The following DNER variants were observed in gnomAD, a reference collection of about 807,000 sequenced individuals.
DNER encodes delta and Notch-like epidermal growth factor-related receptor.
DNER carries 33 observed loss-of-function variants against 78.2 expected under a neutral mutation model. The observed-to-expected ratio is 0.42, with a 90% CI of 0.32 to 0.56. The LOEUF (loss-of-function observed/expected upper bound fraction) is 0.56, where lower values mean the gene tolerates loss of function less well. DNER is among the 20% of genes least tolerant of loss of function. The pLI is 0.11. For synonymous variants in DNER, 417 were observed against 384.8 expected (o/e 1.08, Z -0.98); for missense variants, 918 against 975.3 (o/e 0.94, Z 0.78).
At chr2:229,667,180 T>C (rs903811797) in intron 1 of DNER, among the ~76,000 whole-genome samples, 6 of 152,200 alleles carry the variant, frequency 3.9e-5, no homozygotes, top group African/African-American at 1.4e-4. Flanking sequence ...GCCTGGATAA[T>C]GGCTCCTGTC....
In DNER at chr2:229,447,458, G is replaced by A. The variant is rs140730283; in HGVS notation, c.1344C>T (p.Asp448=). Residue 448 remains aspartate, a synonymous_variant, in exon 8 of 13, where the codon GAC becomes GAT. Transcript: ENST00000341772. ...TGCAGTTGCAGGTAAAGTGTACCCC[G>A]TCCACATAGCAGGTGCCGTTGTTCT... is the stretch of plus-strand genomic sequence containing the variant. ...PCQNNGTCYV[D]GVHFTCNCSP... is the part of the protein sequence containing the mutation. The A allele has an allele frequency of 2.0e-5, 33 of 1,614,158 alleles. No homozygotes were observed. In the African/African-American group the frequency reaches 3.3e-4, roughly 16 times the overall value.
At chr2:229,646,127 C>T (rs1023025913) in intron 1 of DNER, among the ~76,000 whole-genome samples, 1 of 152,166 alleles carries the variant, frequency 6.6e-6, no homozygotes, top group South Asian at 2.1e-4. Context: ...TCCATGCCTT[C>T]TATGAAAGCT....
chr2:229,504,997 T>A (rs996629226), intron 6 of DNER, among the ~76,000 whole-genome samples: 3 of 152,194 alleles, frequency 2.0e-5, no homozygotes, highest in African/African-American at 7.2e-5. Flanking sequence ...CCTCCAGCCG[T>A]CCCTTTGCCT....
rs112849075 is a variant in DNER, at chr2:229,631,284, C to T, written c.277-39396G>A. 6.6e-3 allele frequency among the ~76,000 whole-genome samples: 1,005 copies of T among 151,936 alleles called. 7 individuals carry two copies. The highest frequency in any genetic ancestry group is 0.011 in the Non-Finnish European group (726 of 67,974). ...CCTGGAAAAGACCAGCTAACTTACGCATGGGGCTTGCCCCAGGTGCAATGT... is the reference window on the plus strand; with the variant it reads ...CCTGGAAAAGACCAGCTAACTTACGTATGGGGCTTGCCCCAGGTGCAATGT... On this transcript the variant is annotated intron_variant, in intron 1 of 12. Transcript: ENST00000341772.
intron 8 of DNER, among the ~76,000 whole-genome samples, chr2:229,419,400 G>A (rs6710468): frequency 0.067 from 10,155 of 152,182 alleles, 439 homozygotes; most frequent in South Asian, 0.14. Context: ...GACTGTGTTC[G>A]TTCTGAATTC....
intron 7 of DNER, among the ~76,000 whole-genome samples, chr2:229,475,269 G>A (rs1254890443): frequency 6.6e-6 from 1 of 152,040 alleles, no homozygotes; most frequent in African/African-American, 2.4e-5. Context: ...CTCCCCCTCC[G>A]ACTCCCTCCC....
At chr2:229,411,457 C>T (rs544959037) in intron 9 of DNER, among the ~76,000 whole-genome samples, 5 of 151,810 alleles carry the variant, frequency 3.3e-5, no homozygotes, top group Admixed American at 1.3e-4. Context: ...CTCAGGAGGC[C>T]GAGACAGGAG....
chr2:229,530,844 C>T (rs150899578), intron 5 of DNER, among the ~76,000 whole-genome samples: 1 of 152,196 alleles, frequency 6.6e-6, no homozygotes, highest in Non-Finnish European at 1.5e-5. Flanking sequence ...TGGAATGATT[C>T]CCCTGTTACC....
rs753339397 is a variant in DNER at position 229,407,308 on chromosome 2, G to C, written c.1647C>G (p.Asn549Lys). Reference protein sequence around the residue: ...HCELYKDPCANVSCLNGATCD... With the variant: ...HCELYKDPCAKVSCLNGATCD... ...AGGTGGCTCCGTTCAGACAGCTGAC[G>C]TTAGCGCAGGGATCCTTGTACAATT... is the stretch of plus-strand genomic sequence containing the variant. The change falls in exon 10 of 13, where the codon AAC becomes AAG. Residue 549 changes from asparagine (N) to lysine (K), a missense_variant. Coordinates refer to ENST00000341772, the MANE Select transcript of DNER (RefSeq NM_139072.4). 9.3e-6 allele frequency: 15 copies of C among 1,613,866 alleles called. No individual in the cohort carries two copies. The highest frequency in any genetic ancestry group is 1.2e-5 in the Non-Finnish European group (14 of 1,179,878).
At chr2:229,402,009 C>A (rs1345644283) in intron 10 of DNER, among the ~76,000 whole-genome samples, 2 of 152,038 alleles carry the variant, frequency 1.3e-5, no homozygotes, top group African/African-American at 4.8e-5. Context: ...AAAATTAACT[C>A]AAAACAGACT....
At chr2:229,361,885 G>A (rs1692225314) in intron 12 of DNER, among the ~76,000 whole-genome samples, 1 of 136,672 alleles carries the variant, frequency 7.3e-6, no homozygotes, top group African/African-American at 2.7e-5. Flanking sequence ...ACATTAATAA[G>A]AAAATGTTTC....
chr2:229,514,111 C>T (rs974597308), intron 5 of DNER, among the ~76,000 whole-genome samples: 2 of 152,126 alleles, frequency 1.3e-5, no homozygotes, highest in Admixed American at 6.5e-5. Context: ...GATAAATTTA[C>T]TCCTGAATAT....
rs1469069069 is a variant in DNER, at chr2:229,547,098, A to T, written c.848-6T>A. 6.2e-7 allele frequency: 1 copy of T among 1,613,808 alleles called. No individual in the cohort carries two copies. The highest frequency in any genetic ancestry group is 1.3e-5 in the African/African-American group (1 of 74,928). ...CACAGAATCATTCACAAAACCTAAA[A>T]GAAAATGAGGCAAAAGGAAATTGTC... On this transcript the variant is annotated splice_polypyrimidine_tract_variant and splice_region_variant and intron_variant, in intron 4 of 12. Transcript: ENST00000341772.
At chr2:229,556,017 T>C (rs1016206688) in intron 4 of DNER, among the ~76,000 whole-genome samples, 3 of 152,268 alleles carry the variant, frequency 2.0e-5, no homozygotes, top group Non-Finnish European at 4.4e-5. Context: ...GTCTACTTAC[T>C]AAGCATTTAG....
At chr2:229,380,228 T>C (rs922996313) in intron 11 of DNER, among the ~76,000 whole-genome samples, 1 of 151,946 alleles carries the variant, frequency 6.6e-6, no homozygotes, top group African/African-American at 2.4e-5. Context: ...ACACTGAGAA[T>C]GAGATGACCC....
chr2:229,358,684 A>G, intron 12 of DNER, 33 bp from the exon 13 acceptor site: 2 of 1,564,442 alleles, frequency 1.3e-6, no homozygotes, highest in Non-Finnish European at 1.8e-6. Flanking sequence ...CTGGTTAGAT[A>G]AATACTAGAT....
At chr2:229,623,507 C>T (rs1444127519) in intron 1 of DNER, among the ~76,000 whole-genome samples, 1 of 152,228 alleles carries the variant, frequency 6.6e-6, no homozygotes, top group Non-Finnish European at 1.5e-5. Flanking sequence ...CCAGCCCAGG[C>T]AGCCGGGCAT....
chr2:229,435,104 A>T (rs997308338), intron 8 of DNER, among the ~76,000 whole-genome samples: 1 of 152,134 alleles, frequency 6.6e-6, no homozygotes, highest in African/African-American at 2.4e-5. Flanking sequence ...TGCTCATGCC[A>T]CTGGGACATT....
chr2:229,363,521 TA>T (rs1222872181), intron 12 of DNER, among the ~76,000 whole-genome samples: 1 of 152,236 alleles, frequency 6.6e-6, no homozygotes, highest in East Asian at 1.9e-4. Flanking sequence ...TGGAGCTGAA[TA>T]AACGTTCAGA....
Sources: allele counts gnomAD v4.1 joint callset (sites outside exome capture counted in the v4.1 genomes callset), GRCh38; gene constraint gnomAD v4.1.1; transcripts MANE v1.5; gene names NCBI Gene and HGNC (gene_info 2026-07-23, HGNC 2026-07-21).